The following IMMT variants were observed in gnomAD, a reference collection of about 807,000 sequenced individuals.
IMMT encodes the protein inner membrane mitochondrial protein, also known as MICOS complex subunit MIC60.
Under a neutral mutation model 92.7 loss-of-function variants are expected in IMMT, and 40 were observed. That is an observed-to-expected ratio of 0.43 (90% CI 0.34 to 0.56). The LOEUF is 0.56. Among genes scored for constraint, IMMT ranks in the 20% least tolerant of loss-of-function variants. The pLI is 0.03. For missense variants in IMMT, 831 were observed against 912.1 expected, an observed-to-expected ratio of 0.91 and a Z score of 1.14; for synonymous variants, 322 against 336.1, an observed-to-expected ratio of 0.96 and a Z score of 0.46.
In IMMT at chr2:86,144,886, A is replaced by G; in HGVS notation, c.1664-5T>C. The G allele has an allele frequency of 6.3e-7, 1 of 1,577,610 alleles. No homozygotes were observed. Among genetic ancestry groups the G allele is most frequent in the South Asian group, 1.2e-5 (1 of 85,966 alleles). On this transcript the variant is annotated splice_polypyrimidine_tract_variant and splice_region_variant and intron_variant, in intron 14 of 14. Transcript: ENST00000410111. Reference sequence around the variant, plus strand: ...CCTCTTCAGCAACTGCATGGCCTACAAAGAAAAAAAGGCAAAGCCAAACAT... The same window carrying G: ...CCTCTTCAGCAACTGCATGGCCTACGAAGAAAAAAAGGCAAAGCCAAACAT...
chr2:86,155,699 T>TA (rs1182574176), intron 10 of IMMT, among the ~76,000 whole-genome samples: 5 of 152,104 alleles, frequency 3.3e-5, no homozygotes, highest in Admixed American at 6.6e-5. Flanking sequence ...TCCCAGAACT[T>TA]AAAGTATAAT....
intron 9 of IMMT, among the ~76,000 whole-genome samples, chr2:86,158,962 G>A (rs763769834): frequency 2.0e-5 from 3 of 151,694 alleles, no homozygotes; most frequent in African/African-American, 4.8e-5. Flanking sequence ...ATAAGTGCAG[G>A]CAGAAGATCT....
chr2:86,193,543 G>T (rs1673320763), intron 1 of IMMT, among the ~76,000 whole-genome samples: 1 of 152,110 alleles, frequency 6.6e-6, no homozygotes, highest in Non-Finnish European at 1.5e-5. Flanking sequence ...TCTGAGAGTT[G>T]ATGTAATCTC....
chr2:86,148,250 A>G (rs1180314901), intron 12 of IMMT, among the ~76,000 whole-genome samples: 6 of 152,196 alleles, frequency 3.9e-5, no homozygotes, highest in African/African-American at 1.4e-4. Flanking sequence ...TGGGGAAATG[A>G]TTTATCTTCT....
chr2:86,160,588 A>C (rs1195386789), intron 8 of IMMT, among the ~76,000 whole-genome samples: 1 of 152,148 alleles, frequency 6.6e-6, no homozygotes, highest in Non-Finnish European at 1.5e-5. Flanking sequence ...TCTACTAATA[A>C]TAAATATTTT....
intron 10 of IMMT, among the ~76,000 whole-genome samples, 180 bp from the exon 11 acceptor site, chr2:86,153,754 CAA>C (rs1234737902): frequency 1.3e-5 from 2 of 152,020 alleles, no homozygotes; most frequent in East Asian, 3.8e-4. Flanking sequence ...AACTGTAAAA[CAA>C]GACAAATCAA....
intron 2 of IMMT, among the ~76,000 whole-genome samples, chr2:86,180,851 C>T (rs1418840141): frequency 6.6e-6 from 1 of 151,724 alleles, no homozygotes; most frequent in Non-Finnish European, 1.5e-5. Context: ...CCAGCCACTG[C>T]ACTCCAGCCT....
chr2:86,168,713 A>C (rs558044359), intron 6 of IMMT, among the ~76,000 whole-genome samples: 30 of 152,334 alleles, frequency 2.0e-4, no homozygotes, highest in Admixed American at 1.4e-3. Context: ...TGAGGAAAAG[A>C]AGCATAAACT....
At chr2:86,151,846 T>G (rs1313358368) in intron 11 of IMMT, among the ~76,000 whole-genome samples, 1 of 152,200 alleles carries the variant, frequency 6.6e-6, no homozygotes, top group Non-Finnish European at 1.5e-5. Context: ...TACAATCACT[T>G]CTATATTTTC....
At chr2:86,159,714 A>T in intron 8 of IMMT, 43 bp from the exon 9 acceptor site, 1 of 1,494,202 alleles carries the variant, frequency 6.7e-7, no homozygotes, top group Non-Finnish European at 8.9e-7. Flanking sequence ...CTTCTTGTCA[A>T]CTGTATTAAA....
chr2:86,164,052 ATTTTTT>A (rs540613367), intron 7 of IMMT, among the ~76,000 whole-genome samples: 1 of 63,030 alleles, frequency 1.6e-5, no homozygotes, highest in Non-Finnish European at 3.0e-5. Flanking sequence ...CACTTTAGTC[ATTTTTT>A]TTTTTTTTTT....
rs1279321871 is a variant in IMMT at position 86,145,011 on chromosome 2, A to G, written c.1664-130T>C. 4.8e-6 allele frequency: 5 copies of G among 1,044,714 alleles called. No individual in the cohort carries two copies. The African/African-American group carries it at 4.8e-5, about 10-fold the overall frequency. 64.7% of individuals were successfully genotyped at this position (1,044,714 alleles called of 1,614,324 possible). ...ATGAGGCCAGAGAGACTTTCTTACA[A>G]CCCCACCCCCACCACTTATTTCTGG... is the stretch of plus-strand genomic sequence containing the variant. On this transcript the variant is annotated intron_variant, in intron 14 of 14. Transcript: ENST00000410111.
intron 12 of IMMT, among the ~76,000 whole-genome samples, chr2:86,149,704 C>T (rs996525474): frequency 9.9e-5 from 15 of 151,900 alleles, no homozygotes; most frequent in Admixed American, 8.5e-4. Flanking sequence ...ATGGCAAAAC[C>T]CCGTCTCTAC....
chr2:86,173,905 C>T (rs1479200027), intron 3 of IMMT, 144 bp from the exon 4 acceptor site: 2 of 561,658 alleles, frequency 3.6e-6, no homozygotes, highest in African/African-American at 1.9e-5. Flanking sequence ...TTTTATTAAA[C>T]ATAGTTGAGA....
At chr2:86,161,889 A>G in intron 8 of IMMT, 87 bp downstream of exon 8, 4 of 814,386 alleles carry the variant, frequency 4.9e-6, no homozygotes, top group Non-Finnish European at 8.2e-6. Context: ...CCTCCTCTTT[A>G]TTCTATACAG....
intron 6 of IMMT, among the ~76,000 whole-genome samples, chr2:86,167,486 T>TTTTTG (rs1330160525): frequency 4.7e-4 from 2 of 4,284 alleles, no homozygotes; most frequent in Non-Finnish European, 1.6e-3. Flanking sequence ...TGTTTTTTGT[T>TTTTTG]TTTTTTTTTT....
At chr2:86,185,527 C>A (rs1672714162) in intron 1 of IMMT, among the ~76,000 whole-genome samples, 1 of 151,996 alleles carries the variant, frequency 6.6e-6, no homozygotes, top group African/African-American at 2.4e-5. Flanking sequence ...GGATGTGTTT[C>A]CCAGATTCTA....
At position 86,144,687 on chromosome 2, in the gene IMMT, A is replaced by T; in HGVS notation, c.1858T>A (p.Ser620Thr). ...TCACTGTACACCCCACGGGTCAGGG[A>T]CTCTGGAGGGATAGCTGCGGTTAAA... ...QALTAAIPPESLTRGVYSEET... is the reference protein window; with the variant it reads ...QALTAAIPPETLTRGVYSEET... The change falls in exon 15 of 15, where the codon TCC becomes ACC. Residue 620 changes from serine to threonine, a missense_variant. By Grantham distance (58) the Ser-to-Thr change is moderately conservative. Coordinates refer to ENST00000410111, the MANE Select transcript of IMMT (RefSeq NM_006839.3). 6.2e-7 allele frequency: 1 copy of T among 1,613,592 alleles called. No individual in the cohort carries two copies.
Position 86,152,871 on chromosome 2 carries a change from T to G in IMMT, c.1177+689A>C, listed in dbSNP as rs929585532. ...AATGTAGGAAATTCTATATGACTAA[T>G]GACTCAATTTCTTAATAAATACATT... is the stretch of plus-strand genomic sequence containing the variant. On this transcript the variant is annotated intron_variant, in intron 11 of 14. Coordinates refer to ENST00000410111, the MANE Select transcript of IMMT (RefSeq NM_006839.3). 2.0e-5 allele frequency among the ~76,000 whole-genome samples: 3 copies of G among 152,256 alleles called. No individual in the cohort carries two copies. The East Asian group carries it at 5.8e-4, about 29-fold the overall frequency.
Sources: gnomAD v4.1 joint callset for allele counts (sites outside exome capture counted in the v4.1 genomes callset) on GRCh38, gnomAD v4.1.1 for gene constraint, MANE v1.5 for transcripts, NCBI Gene and HGNC (gene_info 2026-07-23, HGNC 2026-07-21) for gene names.